PRDM16: variants seen among roughly 807,000 people sequenced by gnomAD.
PRDM16 encodes the protein histone-lysine N-methyltransferase PRDM16.
PRDM16 carries 23 observed loss-of-function variants against 110.6 expected under a neutral mutation model. That is an observed-to-expected ratio of 0.21 (90% CI 0.15 to 0.29). The LOEUF is 0.29. Ranked by LOEUF, PRDM16 falls within the 10% of genes least tolerant of loss-of-function variation. PRDM16 has a pLI of 1.00. For missense variants in PRDM16, 1,615 were observed against 1,794.3 expected (o/e 0.90, Z 1.81); for synonymous variants, 799 against 781.8 (o/e 1.02, Z -0.37).
intron 2 of PRDM16, among the ~76,000 whole-genome samples, chr1:3,234,819 G>A (rs931225043): frequency 3.0e-4 from 45 of 152,256 alleles, no homozygotes; most frequent in African/African-American, 8.0e-4. Flanking sequence ...GTTCCTGCTC[G>A]GAGGGGCCGT....
rs1376993984 is a variant in PRDM16, at chr1:3,251,306, G to GGGGTGAGGTA, written c.438+7178_438+7179insAGGGTGAGGT. On this transcript the variant is annotated intron_variant, in intron 3 of 16. Transcript: ENST00000270722. ...TGAGTCTCACGTGCTGCGTGGTTCAGGGGTGAGGTGGGGTGAGGGCGCAGC... is the reference window on the plus strand; with the variant it reads ...TGAGTCTCACGTGCTGCGTGGTTCAGGGGTGAGGTAGGGTGAGGTGGGGTGAGGGCGCAGC... Among the ~76,000 whole-genome samples, 3 of 438 alleles carry GGGGTGAGGTA rather than the reference G, an allele frequency of 6.8e-3. 1 individual carries two copies. In the African/African-American group the frequency reaches 0.15, roughly 22 times the overall value. 0.3% of individuals were successfully genotyped at this position (438 alleles called of 152,430 possible).
chr1:3,119,418 C>T (rs1054750872), intron 1 of PRDM16, among the ~76,000 whole-genome samples: 3 of 152,252 alleles, frequency 2.0e-5, no homozygotes, highest in African/African-American at 7.2e-5. Flanking sequence ...GAGGACTCCC[C>T]ATCCAGCCCT....
In PRDM16 at chr1:3,200,296, C is replaced by T. The variant is rs562553430; in HGVS notation, c.387+13822C>T. Among the ~76,000 whole-genome samples the T allele has an allele frequency of 7.2e-5, 11 of 152,246 alleles. No individual in the cohort carries two copies. The South Asian group carries it at 1.2e-3, about 17-fold the overall frequency. On this transcript the variant is annotated intron_variant, in intron 2 of 16. Coordinates refer to ENST00000270722, the MANE Select transcript of PRDM16 (RefSeq NM_022114.4). ...ACCGGCAGAAAACCACAGGCTCTAC[C>T]GAGGCCCTTAGCCGGGGCCCTCCTT...
chr1:3,091,916 A>C (rs977161481), intron 1 of PRDM16, among the ~76,000 whole-genome samples: 1 of 152,184 alleles, frequency 6.6e-6, no homozygotes, highest in Non-Finnish European at 1.5e-5. Flanking sequence ...ATGCGAGAGA[A>C]TTCACATCGC....
At chr1:3,278,902 G>A (rs115621652) in intron 3 of PRDM16, among the ~76,000 whole-genome samples, 3,783 of 152,302 alleles carry the variant, frequency 0.025, 163 homozygotes, top group African/African-American at 0.086. Context: ...TCAGCGAGCC[G>A]TGGCCTCTCC....
intron 1 of PRDM16, among the ~76,000 whole-genome samples, chr1:3,115,485 G>A (rs1268572187): frequency 6.6e-6 from 1 of 152,232 alleles, no homozygotes; most frequent in African/African-American, 2.4e-5. Context: ...GCACTCTGAG[G>A]ATCAATATTC....
At chr1:3,191,986 A>G (rs1172860498) in intron 2 of PRDM16, among the ~76,000 whole-genome samples, 1 of 152,154 alleles carries the variant, frequency 6.6e-6, no homozygotes, top group Non-Finnish European at 1.5e-5. Flanking sequence ...GCAATGGCAA[A>G]TTTACTCCAG....
chr1:3,391,573 CAG>C (rs1288187121), intron 4 of PRDM16, among the ~76,000 whole-genome samples: 4 of 152,232 alleles, frequency 2.6e-5, no homozygotes, highest in African/African-American at 9.6e-5. Flanking sequence ...TAAGTGTGCA[CAG>C]AGTTTTATTT....
At chr1:3,418,992 G>A (rs2100678333) in intron 12 of PRDM16, among the ~76,000 whole-genome samples, 1 of 152,262 alleles carries the variant, frequency 6.6e-6, no homozygotes, top group African/African-American at 2.4e-5. Flanking sequence ...AAAGATGTGA[G>A]GGAGCAGCTC....
At chr1:3,071,324 G>A (rs1177555917) in intron 1 of PRDM16, among the ~76,000 whole-genome samples, 1 of 152,274 alleles carries the variant, frequency 6.6e-6, no homozygotes, top group African/African-American at 2.4e-5. Context: ...CAGAAGTGGT[G>A]CCTGGCAGCC....
chr1:3,365,585 G>A (rs1279573756), intron 3 of PRDM16, among the ~76,000 whole-genome samples: 2 of 152,224 alleles, frequency 1.3e-5, no homozygotes, highest in Non-Finnish European at 2.9e-5. Flanking sequence ...TCAGCCAACA[G>A]ACAAGGAGAG....
intron 10 of PRDM16, among the ~76,000 whole-genome samples, chr1:3,414,997 C>T (rs1399546304): frequency 6.6e-6 from 1 of 152,190 alleles, no homozygotes; most frequent in Admixed American, 6.5e-5. Context: ...GGTGGCAGCC[C>T]AGGACACAGC....
At chr1:3,326,059 C>CGTTGGCCATCCTCGACCATCCTTGGCCCT (rs1641894114) in intron 3 of PRDM16, among the ~76,000 whole-genome samples, 2 of 46,884 alleles carry the variant, frequency 4.3e-5, no homozygotes, top group South Asian at 1.5e-3. Context: ...CTCTTGGCCC[C>CGTTGGCCATCCTCGACCATCCTTGGCCCT]CCTTGGCCAT....
chr1:3,179,782 AG>A (rs1016054619), intron 1 of PRDM16, among the ~76,000 whole-genome samples: 2 of 152,176 alleles, frequency 1.3e-5, no homozygotes, highest in African/African-American at 4.8e-5. Context: ...GAAGATTCCA[AG>A]GTGATCCGGC....
chr1:3,083,404 C>A (rs562089429), intron 1 of PRDM16, among the ~76,000 whole-genome samples: 13 of 152,330 alleles, frequency 8.5e-5, no homozygotes, highest in Non-Finnish European at 1.5e-4. Flanking sequence ...GTGTGCCGGG[C>A]GGGCAGATCG....
chr1:3,395,165 G>A (rs950898596), intron 4 of PRDM16, among the ~76,000 whole-genome samples: 1 of 152,082 alleles, frequency 6.6e-6, no homozygotes, highest in African/African-American at 2.4e-5. Flanking sequence ...GCAGATTGTA[G>A]TGAAATTCAC....
chr1:3,391,151 T>A (rs980622855), intron 4 of PRDM16, among the ~76,000 whole-genome samples: 1 of 152,200 alleles, frequency 6.6e-6, no homozygotes, highest in Non-Finnish European at 1.5e-5. Flanking sequence ...ACAATTTTTT[T>A]AAATTAAAAA....
intron 2 of PRDM16, 196 bp downstream of exon 2, chr1:3,186,670 G>T (rs1308516458): frequency 1.9e-6 from 1 of 524,952 alleles, no homozygotes. Flanking sequence ...GTCCTCGTGG[G>T]TGCCTGTCAG....
intron 1 of PRDM16, among the ~76,000 whole-genome samples, chr1:3,167,336 A>T (rs1643969376): frequency 6.6e-6 from 1 of 152,146 alleles, no homozygotes; most frequent in Non-Finnish European, 1.5e-5. Flanking sequence ...CGCAGAACTC[A>T]AAGCTGCTCC....
Sources: allele counts gnomAD v4.1 joint callset (sites outside exome capture counted in the v4.1 genomes callset), GRCh38; gene constraint gnomAD v4.1.1; transcripts MANE v1.5; gene names NCBI Gene and HGNC (gene_info 2026-07-23, HGNC 2026-07-21).